The following UNC13C variants were observed in gnomAD, a reference collection of about 807,000 sequenced individuals.
UNC13C encodes the protein unc-13 homolog C, also known as protein unc-13 homolog C.
UNC13C carries 174 observed loss-of-function variants against 245.4 expected under a neutral mutation model. That is an observed-to-expected ratio of 0.71 (90% CI 0.63 to 0.80). The LOEUF (loss-of-function observed/expected upper bound fraction) is 0.80, where lower values mean the gene tolerates loss of function less well. Among genes scored for constraint, UNC13C ranks in the 30% least tolerant of loss-of-function variants. The pLI is 0.00. For synonymous variants in UNC13C, 992 were observed against 895.1 expected (o/e 1.11, Z -1.93); for missense variants, 2,829 against 2,602.9 (o/e 1.09, Z -1.89).
At chr15:53,856,533 C>A in the UNC13C span, among the ~76,000 whole-genome samples, 1 of 151,970 alleles carries the variant, frequency 6.6e-6, no homozygotes, top group Non-Finnish European at 1.5e-5. Flanking sequence ...TTGATTTCTG[C>A]CTTAATTTCA....
intron 4 of UNC13C, among the ~76,000 whole-genome samples, chr15:54,152,489 A>T (rs1461687493): frequency 1.3e-5 from 2 of 152,180 alleles, no homozygotes; most frequent in Non-Finnish European, 2.9e-5. Flanking sequence ...GCTTAAATTT[A>T]TGAGGAAATT....
At chr15:54,546,602 AT>A in intron 26 of UNC13C, 119 bp from the exon 27 acceptor site, 1 of 531,212 alleles carries the variant, frequency 1.9e-6, no homozygotes, top group Admixed American at 4.2e-5. Flanking sequence ...GTTTTTTGAG[AT>A]TATACATTTT....
At chr15:54,196,384 T>G (rs1004891354) in intron 4 of UNC13C, among the ~76,000 whole-genome samples, 4 of 151,978 alleles carry the variant, frequency 2.6e-5, no homozygotes, top group Admixed American at 1.3e-4. Context: ...AATGAGACTT[T>G]ATAGTAGAGA....
chr15:54,604,534 C>A (rs990749580), intron 30 of UNC13C, among the ~76,000 whole-genome samples: 2 of 152,156 alleles, frequency 1.3e-5, no homozygotes, highest in African/African-American at 4.8e-5. Flanking sequence ...GCTAACTTTC[C>A]TGGGGAACTC....
At chr15:54,092,092 A>G (rs1899604281) in intron 2 of UNC13C, among the ~76,000 whole-genome samples, 1 of 152,124 alleles carries the variant, frequency 6.6e-6, no homozygotes, top group South Asian at 2.1e-4. Flanking sequence ...TCTTAATTTT[A>G]TTCTCCACAT....
intron 20 of UNC13C, among the ~76,000 whole-genome samples, chr15:54,496,714 G>A (rs548455636): frequency 2.0e-5 from 3 of 152,088 alleles, no homozygotes; most frequent in African/African-American, 7.2e-5. Flanking sequence ...AGTAACTCAG[G>A]AATGGAAAAC....
the UNC13C span, among the ~76,000 whole-genome samples, chr15:53,935,422 A>T: frequency 6.6e-6 from 1 of 152,210 alleles, no homozygotes; most frequent in Non-Finnish European, 1.5e-5. Flanking sequence ...ACTACTTTGT[A>T]ATACTGAATC....
intron 2 of UNC13C, among the ~76,000 whole-genome samples, chr15:54,083,478 T>C (rs1383578417): frequency 6.6e-6 from 1 of 152,174 alleles, no homozygotes; most frequent in East Asian, 1.9e-4. Flanking sequence ...AGGCTCACTT[T>C]CTGCGCCAAG....
chr15:53,913,857 G>T, the UNC13C span: 1 of 152,228 alleles, frequency 6.6e-6, no homozygotes, highest in African/African-American at 2.4e-5. Context: ...ACTGCTGCCT[G>T]GATTGCTGCC....
chr15:54,542,226 T>G (rs1362263504), intron 26 of UNC13C, among the ~76,000 whole-genome samples: 1 of 152,126 alleles, frequency 6.6e-6, no homozygotes, highest in Non-Finnish European at 1.5e-5. Context: ...TTCAAAGAAC[T>G]TATTTATTTC....
At chr15:54,429,619 A>G (rs1362436305) in intron 19 of UNC13C, among the ~76,000 whole-genome samples, 1 of 151,658 alleles carries the variant, frequency 6.6e-6, no homozygotes, top group African/African-American at 2.4e-5. Context: ...ATATTTGTGA[A>G]TATTTATTCA....
At chr15:54,305,315 G>A (rs2037697552) in intron 13 of UNC13C, among the ~76,000 whole-genome samples, 1 of 151,964 alleles carries the variant, frequency 6.6e-6, no homozygotes, top group East Asian at 1.9e-4. Flanking sequence ...CTGTAATAAG[G>A]GTGAGAGCAC....
At chr15:53,953,948 G>A in the UNC13C span, among the ~76,000 whole-genome samples, 1 of 152,344 alleles carries the variant, frequency 6.6e-6, no homozygotes, top group Middle Eastern at 3.4e-3. Context: ...CATGGTGACT[G>A]TAAGGGACAG....
chr15:54,237,685 G>A lies in UNC13C; in HGVS notation c.3223G>A (p.Glu1075Lys), dbSNP rs2035739601. The A allele has an allele frequency of 6.2e-7, 1 of 1,608,758 alleles. No homozygotes were observed. Among genetic ancestry groups the A allele is most frequent in the East Asian group, 2.2e-5 (1 of 44,808 alleles). The change falls in exon 7 of 33, where the codon GAA becomes AAA. Residue 1075 changes from glutamate to lysine, a missense_variant. By Grantham distance (56) the Glu-to-Lys change is moderately conservative. Coordinates refer to ENST00000260323, the MANE Select transcript of UNC13C (RefSeq NM_001080534.3). ...GATTAGGACATCCCTAAATAATGAG[G>A]AACTGGTAAGTACTAGATATTGCTC... ...MVIRTSLNNE[E>K]LKMHVFKKTL...
At chr15:53,878,983 A>G in the UNC13C span, among the ~76,000 whole-genome samples, 2 of 152,208 alleles carry the variant, frequency 1.3e-5, no homozygotes, top group Non-Finnish European at 2.9e-5. Flanking sequence ...GAACAGTTAA[A>G]TCAAATCTGA....
intron 30 of UNC13C, among the ~76,000 whole-genome samples, chr15:54,610,017 G>T (rs1040750108): frequency 6.6e-6 from 1 of 152,128 alleles, no homozygotes. Flanking sequence ...TTCCTACCAG[G>T]TCCCTCCAAT....
intron 2 of UNC13C, among the ~76,000 whole-genome samples, chr15:54,072,029 A>G (rs1296011199): frequency 6.6e-6 from 1 of 152,150 alleles, no homozygotes; most frequent in Non-Finnish European, 1.5e-5. Context: ...TTCTACTGCC[A>G]TCTGGGACAT....
At chr15:53,931,367 C>T in the UNC13C span, among the ~76,000 whole-genome samples, 1 of 152,044 alleles carries the variant, frequency 6.6e-6, no homozygotes, top group Admixed American at 6.5e-5. Flanking sequence ...CAGGGTTTCA[C>T]CATGTTGGCC....
At chr15:54,608,778 T>C (rs1391308056) in intron 30 of UNC13C, among the ~76,000 whole-genome samples, 1 of 152,222 alleles carries the variant, frequency 6.6e-6, no homozygotes, top group Admixed American at 6.5e-5. Flanking sequence ...CCATATATAT[T>C]CTCTATTTCT....
Sources: allele counts gnomAD v4.1 joint callset (sites outside exome capture counted in the v4.1 genomes callset), GRCh38; gene constraint gnomAD v4.1.1; transcripts MANE v1.5; gene names NCBI Gene and HGNC (gene_info 2026-07-23, HGNC 2026-07-21).